WDR7: variants seen among roughly 807,000 people sequenced by gnomAD.
The protein encoded by WDR7 is WD repeat domain 7, also known as WD repeat-containing protein 7.
Under a neutral mutation model 169.4 loss-of-function variants are expected in WDR7, and 46 were observed. The observed-to-expected ratio is 0.27, with a 90% CI of 0.21 to 0.35. The LOEUF (loss-of-function observed/expected upper bound fraction) is 0.35. Ranked by LOEUF, WDR7 falls within the 10% of genes least tolerant of loss-of-function variation. The pLI, the probability that WDR7 is intolerant of heterozygous loss-of-function variation, is 1.00. For synonymous variants in WDR7, 612 were observed against 666.8 expected, an observed-to-expected ratio of 0.92 and a Z score of 1.27; for missense variants, 1,534 against 1,859.3, an observed-to-expected ratio of 0.83 and a Z score of 3.22.
Position 56,737,297 on chromosome 18 carries a change from A to G in WDR7, c.1989+5700A>G, listed in dbSNP as rs544648873. ...GTGATGTTTCTGACATGTTTTTCTC[A>G]TAAAGCATTTGCTACATACATGGTT... On this transcript the variant is annotated intron_variant, in intron 14 of 27. Coordinates refer to ENST00000254442, the MANE Select transcript of WDR7 (RefSeq NM_015285.3). Among the ~76,000 whole-genome samples, 15 of 152,348 alleles carry G rather than the reference A, an allele frequency of 9.8e-5. 1 individual carries two copies. The South Asian group carries it at 3.1e-3, about 32-fold the overall frequency.
intron 27 of WDR7, among the ~76,000 whole-genome samples, chr18:57,025,915 A>G (rs1221089646): frequency 1.3e-5 from 2 of 152,238 alleles, no homozygotes; most frequent in Non-Finnish European, 2.9e-5. Context: ...TTGGATCATA[A>G]TCTGCATGCT....
At chr18:56,909,136 TTG>T (rs2046520069) in intron 21 of WDR7, among the ~76,000 whole-genome samples, 2 of 152,118 alleles carry the variant, frequency 1.3e-5, no homozygotes, top group Non-Finnish European at 2.9e-5. Context: ...TATACCCAGT[TTG>T]TTACCCAAGA....
chr18:56,919,049 T>C (rs771849964), intron 21 of WDR7, among the ~76,000 whole-genome samples: 66 of 152,322 alleles, frequency 4.3e-4, no homozygotes, highest in Non-Finnish European at 7.5e-4. Context: ...CAGTATTTGC[T>C]ATATTAAAAG....
Position 57,025,247 on chromosome 18 carries a change from T to C in WDR7, c.4270-1757T>C, listed in dbSNP as rs79096493. 1.7e-3 allele frequency among the ~76,000 whole-genome samples: 252 copies of C among 152,282 alleles called. 2 individuals are homozygous for C. The highest frequency in any genetic ancestry group is 5.7e-3 in the African/African-American group (236 of 41,558). On this transcript the variant is annotated intron_variant, in intron 27 of 27. Coordinates refer to ENST00000254442, the MANE Select transcript of WDR7 (RefSeq NM_015285.3). ...TAGAAAATCCATAAAGAATGAAAAA[T>C]ACCTTGTAGTTATTTATCAACTGAG...
intron 21 of WDR7, among the ~76,000 whole-genome samples, chr18:56,903,126 TA>T (rs1468921053): frequency 6.6e-6 from 1 of 152,190 alleles, no homozygotes; most frequent in Non-Finnish European, 1.5e-5. Context: ...GTTTTATACT[TA>T]ATAGCAACCT....
At chr18:57,020,021 G>A (rs2048265498) in intron 26 of WDR7, among the ~76,000 whole-genome samples, 1 of 152,148 alleles carries the variant, frequency 6.6e-6, no homozygotes, top group Non-Finnish European at 1.5e-5. Flanking sequence ...CTTGAGTATT[G>A]TTTTTATTAG....
intron 21 of WDR7, among the ~76,000 whole-genome samples, chr18:56,882,503 A>T (rs1202135803): frequency 1.3e-5 from 2 of 152,358 alleles, no homozygotes; most frequent in Non-Finnish European, 2.9e-5. Context: ...TCTTTCTAAT[A>T]TATTCAGTAG....
At chr18:56,739,068 T>G (rs1050032314) in intron 14 of WDR7, among the ~76,000 whole-genome samples, 1 of 151,970 alleles carries the variant, frequency 6.6e-6, no homozygotes, top group African/African-American at 2.4e-5. Context: ...GCTCTTCTCT[T>G]GACTATTATG....
At chr18:56,895,452 G>A (rs911740873) in intron 21 of WDR7, among the ~76,000 whole-genome samples, 1 of 147,786 alleles carries the variant, frequency 6.8e-6, no homozygotes, top group Non-Finnish European at 1.5e-5. Flanking sequence ...TAGGGGATAG[G>A]AAAAATTTGC....
At chr18:56,982,744 A>T (rs145907031) in intron 26 of WDR7, among the ~76,000 whole-genome samples, 124 of 152,326 alleles carry the variant, frequency 8.1e-4, no homozygotes, top group Non-Finnish European at 1.3e-4. Context: ...TGCTAGCATT[A>T]TGTCCATAGG....
chr18:56,813,741 GTA>G (rs1259617977), intron 19 of WDR7, among the ~76,000 whole-genome samples: 2 of 151,628 alleles, frequency 1.3e-5, no homozygotes, highest in Non-Finnish European at 2.9e-5. Context: ...TCTTTTCTTT[GTA>G]TTTTTTTTTC....
chr18:56,777,289 T>C (rs2044255209), intron 17 of WDR7, among the ~76,000 whole-genome samples: 1 of 152,218 alleles, frequency 6.6e-6, no homozygotes. Context: ...GAGGGAGTTG[T>C]GAGGGAATCT....
At chr18:56,953,310 C>G (rs1446620262) in intron 25 of WDR7, among the ~76,000 whole-genome samples, 1 of 152,078 alleles carries the variant, frequency 6.6e-6, no homozygotes, top group Non-Finnish European at 1.5e-5. Flanking sequence ...ATTTATAACA[C>G]TATATGGTGT....
intron 16 of WDR7, among the ~76,000 whole-genome samples, chr18:56,773,446 T>C (rs1454213027): frequency 1.3e-5 from 2 of 152,166 alleles, no homozygotes; most frequent in Non-Finnish European, 2.9e-5. Context: ...TTTTTGGCAT[T>C]AGGAAATATC....
intron 25 of WDR7, among the ~76,000 whole-genome samples, chr18:56,944,349 C>G (rs1289807805): frequency 6.6e-6 from 1 of 152,078 alleles, no homozygotes; most frequent in African/African-American, 2.4e-5. Context: ...GATTTTAAAA[C>G]TTTAACGTGG....
chr18:56,756,771 T>G lies in WDR7; in HGVS notation c.2178T>G (p.Ser726Arg). Residue 726 changes from serine to arginine, a missense_variant, in exon 15 of 28, where the codon AGT becomes AGG. By Grantham distance (110) the Ser-to-Arg change is moderately radical. Coordinates refer to ENST00000254442, the MANE Select transcript of WDR7 (RefSeq NM_015285.3). Reference sequence around the variant, plus strand: ...AGAATTTGCAAAAAGCATCTGGCAGTTCAGACAAAGGGGGCTCTTTTTTAA... The same window carrying G: ...AGAATTTGCAAAAAGCATCTGGCAGGTCAGACAAAGGGGGCTCTTTTTTAA... ...SPENLQKASG[S>R]SDKGGSFLTG... The G allele has an allele frequency of 6.2e-7, 1 of 1,614,090 alleles. No individual in the cohort carries two copies. Among genetic ancestry groups the G allele is most frequent in the Non-Finnish European group, 8.5e-7 (1 of 1,180,014 alleles).
At chr18:56,726,627 A>G (rs1026702946) in intron 13 of WDR7, among the ~76,000 whole-genome samples, 28 of 152,030 alleles carry the variant, frequency 1.8e-4, no homozygotes, top group Admixed American at 1.3e-4. Flanking sequence ...CTCTTTTCCT[A>G]ATTGAATACC....
At chr18:56,658,755 C>G (rs933246986) in intron 1 of WDR7, among the ~76,000 whole-genome samples, 1 of 152,202 alleles carries the variant, frequency 6.6e-6, no homozygotes, top group African/African-American at 2.4e-5. Context: ...CTCTGTTGCT[C>G]AGACTGGAGT....
At chr18:56,939,231 A>C (rs575203176) in intron 24 of WDR7, 80 bp from the exon 25 acceptor site, 1 of 1,061,012 alleles carries the variant, frequency 9.4e-7, no homozygotes, top group South Asian at 1.9e-5. Flanking sequence ...CTATGGGCAA[A>C]TGAGGCCTAA....
Sources: gnomAD v4.1 joint callset for allele counts (sites outside exome capture counted in the v4.1 genomes callset) on GRCh38, gnomAD v4.1.1 for gene constraint, MANE v1.5 for transcripts, NCBI Gene and HGNC (gene_info 2026-07-23, HGNC 2026-07-21) for gene names.